The following UCN3 variants were observed in gnomAD, a reference collection of about 807,000 sequenced individuals.
The protein encoded by UCN3 is urocortin-3.
UCN3 carries 3 observed loss-of-function variants against 3.6 expected under a neutral mutation model. The observed-to-expected ratio is 0.83, with a 90% CI of 0.38 to 2.15. The LOEUF (loss-of-function observed/expected upper bound fraction) is 2.15. Among genes scored for constraint, UCN3 ranks in the 30% most tolerant of loss-of-function variants. UCN3 has a pLI of 0.06. For synonymous variants in UCN3, 100 were observed against 93.2 expected (o/e 1.07, Z -0.42); for missense variants, 206 against 208.3 (o/e 0.99, Z 0.07).
chr10:5,373,770 G>GC lies in UCN3; in HGVS notation c.54dup (p.Arg19GlnfsTer24). 6.2e-7 allele frequency: 1 copy of GC among 1,613,798 alleles called. No individual in the cohort carries two copies. Among genetic ancestry groups the GC allele is most frequent in the Non-Finnish European group, 8.5e-7 (1 of 1,179,898 alleles). On this transcript the variant is annotated frameshift_variant, in exon 2 of 2. Coordinates refer to ENST00000380433, the MANE Select transcript of UCN3 (RefSeq NM_053049.4). LOFTEE classifies it low-confidence loss of function (END_TRUNC). ...CTGCTCCTGCTGCTGCTCCTGGGGG[G>GC]CCCCAGGACAGGCCTCCCCCACAAG...
intron 1 of UCN3, among the ~76,000 whole-genome samples, chr10:5,370,938 C>G (rs1285371821): frequency 9.7e-6 from 1 of 102,972 alleles, no homozygotes; most frequent in Admixed American, 1.1e-4. Context: ...TATGTGTGTT[C>G]ATGTGTATGT....
chr10:5,370,411 G>GA (rs1588400244), intron 1 of UCN3, among the ~76,000 whole-genome samples: 3 of 42,774 alleles, frequency 7.0e-5, no homozygotes, highest in African/African-American at 9.0e-5. Flanking sequence ...GTGTGTATAT[G>GA]TGTGTGTGTA....
In UCN3 at chr10:5,373,704, T is replaced by A. The variant is rs781956029; in HGVS notation, c.-6-11T>A. Reference sequence around the variant, plus strand: ...CCATGCCCCTGCCCACATCCCTCTTTTCTGCTGCAGGGAGAGATGCTGATG... The same window carrying A: ...CCATGCCCCTGCCCACATCCCTCTTATCTGCTGCAGGGAGAGATGCTGATG... On this transcript the variant is annotated splice_polypyrimidine_tract_variant and intron_variant, in intron 1 of 1. Coordinates refer to ENST00000380433, the MANE Select transcript of UCN3 (RefSeq NM_053049.4). 8.7e-6 allele frequency: 14 copies of A among 1,611,264 alleles called. No individual in the cohort carries two copies. The highest frequency in any genetic ancestry group is 1.0e-5 in the Non-Finnish European group (12 of 1,178,188).
In UCN3 at chr10:5,369,915, ATGTGTGTGTATGTG is replaced by A. The variant is rs1340375422; in HGVS notation, c.-6-3780_-6-3767del. 6.5e-3 allele frequency among the ~76,000 whole-genome samples: 500 copies of A among 77,496 alleles called. 39 individuals are homozygous for A. The highest frequency in any genetic ancestry group is 0.019 in the Middle Eastern group (3 of 154). The allele number at this position is 77,496 out of a possible 152,430, so 50.8% of individuals were successfully genotyped here. A position where few individuals can be genotyped will look rare whatever the true frequency, so the allele number is the denominator to read the frequency against. The stretch of plus-strand genomic sequence containing the variant: ...TGTGTGTGTATATGTGTGTGTGTAT[ATGTGTGTGTATGTG>A]TGTGTGTGTATGTGTGTGTATATGT... On this transcript the variant is annotated intron_variant, in intron 1 of 1. Transcript: ENST00000380433.
Position 5,370,153 on chromosome 10 carries a change from A to G in UCN3, c.-6-3562A>G, listed in dbSNP as rs797040786. On this transcript the variant is annotated intron_variant, in intron 1 of 1. Coordinates refer to ENST00000380433, the MANE Select transcript of UCN3 (RefSeq NM_053049.4). ...TGTATGTGTGTGTATGCGTGTGTAT[A>G]TGTGTGTGTATATGTGTGTGTATAT... Among the ~76,000 whole-genome samples the G allele has an allele frequency of 6.8e-3, 176 of 25,798 alleles. 26 individuals are homozygous for G. Among genetic ancestry groups the G allele is most frequent in the African/African-American group, 0.032 (137 of 4,318 alleles). 16.9% of individuals were successfully genotyped at this position (25,798 alleles called of 152,430 possible). A position where few individuals can be genotyped will look rare whatever the true frequency, so the allele number is the denominator to read the frequency against.
Position 5,373,870 on chromosome 10 carries a change from T to A in UCN3, c.150T>A (p.Asp50Glu). ...LSEAEKGQWEDASLLSKRSFH... is the reference protein window; with the variant it reads ...LSEAEKGQWEEASLLSKRSFH... The stretch of plus-strand genomic sequence containing the variant: ...AGGCTGAGAAGGGCCAGTGGGAGGA[T>A]GCATCCCTGCTGAGCAAGAGGAGCT... The change falls in exon 2 of 2, where the codon GAT becomes GAA. Residue 50 changes from aspartate to glutamate, a missense_variant. Physicochemically the swap from Asp to Glu is conservative, Grantham distance 45 (BLOSUM62 2). Transcript: ENST00000380433. 1 of 1,614,044 alleles carries A rather than the reference T, an allele frequency of 6.2e-7. No individual in the cohort carries two copies.
chr10:5,372,747 G>C (rs1361952115), intron 1 of UCN3, among the ~76,000 whole-genome samples: 2 of 147,398 alleles, frequency 1.4e-5, no homozygotes, highest in Non-Finnish European at 3.0e-5. Context: ...TAGAGATGAG[G>C]TCTTACTATG....
At chr10:5,370,804 T>G (rs1439965075) in intron 1 of UCN3, among the ~76,000 whole-genome samples, 1 of 136,096 alleles carries the variant, frequency 7.3e-6, no homozygotes, top group Non-Finnish European at 1.5e-5. Context: ...CGTGTGTATA[T>G]GTGTGTGTGC....
At chr10:5,370,792 T>C (rs1831396537) in intron 1 of UCN3, among the ~76,000 whole-genome samples, 1 of 140,638 alleles carries the variant, frequency 7.1e-6, no homozygotes, top group South Asian at 2.3e-4. Context: ...TGTGTGTGTA[T>C]GCGTGTGTAT....
chr10:5,370,156 T>TGTGTATATGC (rs1831342294), intron 1 of UCN3, among the ~76,000 whole-genome samples: 1 of 46,614 alleles, frequency 2.1e-5, no homozygotes, highest in African/African-American at 1.1e-4. Context: ...TGTGTATATG[T>TGTGTATATGC]GTGTGTATAT....
Position 5,373,789 on chromosome 10 carries a change from C to A in UCN3, c.69C>A (p.Pro23=). ...TGGGGGGCCCCAGGACAGGCCTCCCCCACAAGTTCTACAAAGCCAAGCCCA... is the reference window on the plus strand; with the variant it reads ...TGGGGGGCCCCAGGACAGGCCTCCCACACAAGTTCTACAAAGCCAAGCCCA... ...LLLGGPRTGL[P]HKFYKAKPIF... is the part of the protein sequence containing the mutation. The change falls in exon 2 of 2, where the codon CCC becomes CCA. Residue 23 remains proline, a synonymous_variant. Coordinates refer to ENST00000380433, the MANE Select transcript of UCN3 (RefSeq NM_053049.4). The A allele has an allele frequency of 6.2e-7, 1 of 1,614,030 alleles. No individual in the cohort carries two copies.
Position 5,373,968 on chromosome 10 carries a change from T to A in UCN3, c.248T>A (p.Ile83Asn), listed in dbSNP as rs200532059. ...GGCAAAGAGAAAAAGACTTTCCCCA[T>A]CTCTGGGGCCAGGGGTGGAGCCAGA... ...EEGKEKKTFP[I>N]SGARGGARGT... The change falls in exon 2 of 2, where the codon ATC becomes AAC. Residue 83 changes from isoleucine to asparagine, a missense_variant. Coordinates refer to ENST00000380433, the MANE Select transcript of UCN3 (RefSeq NM_053049.4). The A allele has an allele frequency of 9.9e-6, 16 of 1,610,084 alleles. No homozygotes were observed. In the Admixed American group the frequency reaches 2.7e-4, roughly 27 times the overall value.
At chr10:5,372,649 G>A (rs374282650) in intron 1 of UCN3, among the ~76,000 whole-genome samples, 27 of 151,688 alleles carry the variant, frequency 1.8e-4, no homozygotes, top group East Asian at 1.2e-3. Context: ...TCTGGAGCTC[G>A]AGCAATCCTC....
Position 5,370,097 on chromosome 10 carries a change from A to G in UCN3, c.-6-3618A>G, listed in dbSNP as rs797042998. ...TATATGCGTGTGTATATGCGTGTGT[A>G]TATGCGTGTGTATATGTGTGTGTAT... On this transcript the variant is annotated intron_variant, in intron 1 of 1. Coordinates refer to ENST00000380433, the MANE Select transcript of UCN3 (RefSeq NM_053049.4). Among the ~76,000 whole-genome samples the G allele has an allele frequency of 1.4e-3, 86 of 59,808 alleles. 1 individual carries two copies. The highest frequency in any genetic ancestry group is 4.4e-3 in the African/African-American group (59 of 13,328). The allele number at this position is 59,808 out of a possible 152,430, so 39.2% of individuals were successfully genotyped here. A position where few individuals can be genotyped will look rare whatever the true frequency, so the allele number is the denominator to read the frequency against.
At chr10:5,370,616 CGTGTATATGCGTGTGTATGTGT>C (rs1831379183) in intron 1 of UCN3, among the ~76,000 whole-genome samples, 1 of 21,476 alleles carries the variant, frequency 4.7e-5, no homozygotes, top group African/African-American at 2.0e-4. Flanking sequence ...TGTGTATATG[CGTGTATATGCGTGTGTATGTGT>C]GTGTATATGT....
At chr10:5,370,009 GTGTGTGTA>G (rs1831329693) in intron 1 of UCN3, among the ~76,000 whole-genome samples, 2 of 69,866 alleles carry the variant, frequency 2.9e-5, no homozygotes, top group African/African-American at 5.2e-5. Flanking sequence ...GTGTGTGTAT[GTGTGTGTA>G]TATGTGTGTG....
At chr10:5,369,597 G>A (rs2119099188) in intron 1 of UCN3, among the ~76,000 whole-genome samples, 1 of 152,310 alleles carries the variant, frequency 6.6e-6, no homozygotes, top group South Asian at 2.1e-4. Context: ...ACTTCGCCAG[G>A]CAACATGCCC....
rs1396430171 is a variant in UCN3 at position 5,370,794 on chromosome 10, C to CGT, written c.-6-2916_-6-2915dup. Among the ~76,000 whole-genome samples, 134 of 70,816 alleles carry CGT rather than the reference C, an allele frequency of 1.9e-3. 6 individuals are homozygous for CGT. Among genetic ancestry groups the CGT allele is most frequent in the African/African-American group, 7.3e-3 (108 of 14,760 alleles). 46.5% of individuals were successfully genotyped at this position (70,816 alleles called of 152,430 possible). A position where few individuals can be genotyped will look rare whatever the true frequency, so the allele number is the denominator to read the frequency against. On this transcript the variant is annotated intron_variant, in intron 1 of 1. Coordinates refer to ENST00000380433, the MANE Select transcript of UCN3 (RefSeq NM_053049.4). The stretch of plus-strand genomic sequence containing the variant: ...GTGTATATGCGTGTGTGTGTGTATG[C>CGT]GTGTGTATATGTGTGTGTGCGTGTG...
rs199597257 is a variant in UCN3, at chr10:5,369,873, A to G, written c.-6-3842A>G. Among the ~76,000 whole-genome samples the G allele has an allele frequency of 8.8e-3, 579 of 65,962 alleles. 30 individuals are homozygous for G. Among genetic ancestry groups the G allele is most frequent in the African/African-American group, 0.03 (508 of 17,096 alleles). The allele number at this position is 65,962 out of a possible 152,430, so 43.3% of individuals were successfully genotyped here. ...CATTTATCCACGTGGGTGTGTGTGTATATGTGTGTGTATATGTGTGTGTGT... is the reference window on the plus strand; with the variant it reads ...CATTTATCCACGTGGGTGTGTGTGTGTATGTGTGTGTATATGTGTGTGTGT... On this transcript the variant is annotated intron_variant, in intron 1 of 1. Coordinates refer to ENST00000380433, the MANE Select transcript of UCN3 (RefSeq NM_053049.4).
Sources: gnomAD v4.1 joint callset for allele counts (sites outside exome capture counted in the v4.1 genomes callset) on GRCh38, gnomAD v4.1.1 for gene constraint, MANE v1.5 for transcripts, NCBI Gene and HGNC (gene_info 2026-07-23, HGNC 2026-07-21) for gene names.